CMTM7: variants seen among roughly 807,000 people sequenced by gnomAD.
CMTM7 encodes the protein CKLF-like MARVEL transmembrane domain-containing protein 7.
Under a neutral mutation model 19.3 loss-of-function variants are expected in CMTM7, and 7 were observed. The observed-to-expected ratio is 0.36, with a 90% CI of 0.21 to 0.68. The LOEUF is 0.68. Among genes scored for constraint, CMTM7 ranks in the 30% least tolerant of loss-of-function variants. The pLI is 0.60. For missense variants in CMTM7, 193 were observed against 232.6 expected (o/e 0.83, Z 1.11); for synonymous variants, 87 against 99.3 (o/e 0.88, Z 0.74).
chr3:32,428,400 G>A (rs186295982), intron 1 of CMTM7, among the ~76,000 whole-genome samples: 3 of 152,292 alleles, frequency 2.0e-5, no homozygotes, highest in African/African-American at 7.2e-5. Context: ...CCTCATGGAG[G>A]AGAAATGTAA....
chr3:32,428,692 T>A (rs1696470143), intron 1 of CMTM7, among the ~76,000 whole-genome samples: 1 of 152,226 alleles, frequency 6.6e-6, no homozygotes, highest in Non-Finnish European at 1.5e-5. Context: ...ATGCCAGACA[T>A]ATTTCCAGAC....
At chr3:32,447,628 T>A (rs1355107064) in intron 2 of CMTM7, among the ~76,000 whole-genome samples, 1 of 152,224 alleles carries the variant, frequency 6.6e-6, no homozygotes, top group Admixed American at 6.5e-5. Flanking sequence ...GCATATACGT[T>A]TATAATTGTT....
At chr3:32,419,409 T>C (rs926222297) in intron 1 of CMTM7, among the ~76,000 whole-genome samples, 2 of 152,222 alleles carry the variant, frequency 1.3e-5, no homozygotes, top group Non-Finnish European at 2.9e-5. Flanking sequence ...CTTCCAGCAG[T>C]ATAAGAATGT....
At chr3:32,399,335 T>C (rs1464078118) in intron 1 of CMTM7, among the ~76,000 whole-genome samples, 1 of 151,622 alleles carries the variant, frequency 6.6e-6, no homozygotes, top group Admixed American at 6.6e-5. Flanking sequence ...TTCAGAATAG[T>C]AATGCAAACT....
chr3:32,414,895 G>A (rs186570747), intron 1 of CMTM7, among the ~76,000 whole-genome samples: 2 of 152,270 alleles, frequency 1.3e-5, no homozygotes, highest in African/African-American at 4.8e-5. Context: ...GGCCCTGGGA[G>A]GTTACATAGC....
rs17029526 is a variant in CMTM7 at position 32,441,866 on chromosome 3, T to G, written c.186T>G (p.Cys62Trp). 5 of 1,614,210 alleles carry G rather than the reference T, an allele frequency of 3.1e-6. No homozygotes were observed. Among genetic ancestry groups the G allele is most frequent in the Non-Finnish European group, 4.2e-6 (5 of 1,180,028 alleles). The change falls in exon 2 of 5, where the codon TGT (cysteine) becomes TGG (tryptophan). Residue 62 changes from cysteine (C) to tryptophan (W), a missense_variant. Physicochemically the swap from Cys to Trp is radical, Grantham distance 215. Transcript: ENST00000334983. ...TCACCCTGCTGATTGCCTTCATCTG[T>G]GTGCGGAGCTCCCTGTGGACCAACT... ...QMVTLLIAFI[C>W]VRSSLWTNYS...
chr3:32,452,366 C>T (rs1433692877), intron 3 of CMTM7, 26 bp from the exon 4 acceptor site: 3 of 1,614,160 alleles, frequency 1.9e-6, no homozygotes, highest in South Asian at 1.1e-5. Flanking sequence ...GGCCTGTGAA[C>T]TTCCTCTCCC....
At chr3:32,452,252 TG>T in intron 3 of CMTM7, 139 bp from the exon 4 acceptor site, 1 of 1,551,520 alleles carries the variant, frequency 6.4e-7, no homozygotes, top group Non-Finnish European at 8.7e-7. Flanking sequence ...CAGGATGAGG[TG>T]GTTGGGTTAG....
intron 1 of CMTM7, among the ~76,000 whole-genome samples, chr3:32,401,042 A>G (rs1045941953): frequency 2.6e-5 from 4 of 152,236 alleles, no homozygotes; most frequent in African/African-American, 9.6e-5. Context: ...TTATCATCCA[A>G]GAGTTTCAAG....
At chr3:32,440,959 C>T (rs1696665564) in intron 1 of CMTM7, among the ~76,000 whole-genome samples, 1 of 152,190 alleles carries the variant, frequency 6.6e-6, no homozygotes, top group African/African-American at 2.4e-5. Context: ...TAATAGTTTT[C>T]ATCTGGTTAT....
chr3:32,424,994 C>T (rs994971386), intron 1 of CMTM7, among the ~76,000 whole-genome samples: 65 of 152,194 alleles, frequency 4.3e-4, no homozygotes, highest in Admixed American at 4.1e-3. Context: ...AGGCAAAAAA[C>T]GTAGAAAAAA....
chr3:32,404,378 C>A (rs1696059910), intron 1 of CMTM7, among the ~76,000 whole-genome samples: 1 of 152,078 alleles, frequency 6.6e-6, no homozygotes, highest in South Asian at 2.1e-4. Flanking sequence ...CCAGGCTGGG[C>A]TCGAACTCCT....
intron 1 of CMTM7, among the ~76,000 whole-genome samples, chr3:32,396,084 G>A (rs958089188): frequency 1.3e-5 from 2 of 152,170 alleles, no homozygotes; most frequent in African/African-American, 4.8e-5. Context: ...GTCCAGAATA[G>A]GCAAATGCGT....
chr3:32,392,362 A>G (rs1196644500), intron 1 of CMTM7, among the ~76,000 whole-genome samples: 9 of 152,128 alleles, frequency 5.9e-5, no homozygotes, highest in Non-Finnish European at 7.4e-5. Context: ...CCGCCTACTG[A>G]CTGAAACCAC....
intron 1 of CMTM7, among the ~76,000 whole-genome samples, chr3:32,430,465 C>T (rs1435073780): frequency 6.6e-6 from 1 of 152,060 alleles, no homozygotes; most frequent in Non-Finnish European, 1.5e-5. Context: ...TCGATTCAAC[C>T]CCAGATTCAG....
At chr3:32,432,324 C>T (rs1696531429) in intron 1 of CMTM7, among the ~76,000 whole-genome samples, 1 of 152,218 alleles carries the variant, frequency 6.6e-6, no homozygotes, top group Non-Finnish European at 1.5e-5. Flanking sequence ...ACTTCCTGGC[C>T]TTCCATACCT....
intron 2 of CMTM7, among the ~76,000 whole-genome samples, chr3:32,446,860 C>T (rs1696760898): frequency 6.6e-6 from 1 of 152,162 alleles, no homozygotes; most frequent in Non-Finnish European, 1.5e-5. Context: ...TCCCTGAAGC[C>T]CTCACCAGAA....
At chr3:32,452,545 T>C (rs1283148889) in intron 4 of CMTM7, 72 bp downstream of exon 4, 6 of 1,482,132 alleles carry the variant, frequency 4.0e-6, no homozygotes, top group Admixed American at 1.7e-5. Context: ...ACTTCAGCCA[T>C]AGGGACAAAC....
At chr3:32,396,221 T>A (rs1250448298) in intron 1 of CMTM7, among the ~76,000 whole-genome samples, 1 of 152,036 alleles carries the variant, frequency 6.6e-6, no homozygotes, top group East Asian at 1.9e-4. Flanking sequence ...AAATTGGTGA[T>A]GGTGCCAGGT....
Sources: allele counts gnomAD v4.1 joint callset (sites outside exome capture counted in the v4.1 genomes callset), GRCh38; gene constraint gnomAD v4.1.1; transcripts MANE v1.5; gene names NCBI Gene and HGNC (gene_info 2026-07-23, HGNC 2026-07-21).